ANK3: variants seen among roughly 807,000 people sequenced by gnomAD.
ANK3 encodes the protein ankyrin-3.
In ANK3, 57 loss-of-function variants were observed where a neutral mutation model predicts 370.9. The observed-to-expected ratio is 0.15, with a 90% CI of 0.12 to 0.19. The LOEUF is 0.19. Ranked by LOEUF, ANK3 falls within the 10% of genes least tolerant of loss-of-function variation. The pLI, the probability that ANK3 is intolerant of heterozygous loss-of-function variation, is 1.00. For missense variants in ANK3, 4,439 were observed against 5,302.1 expected (o/e 0.84, Z 5.06); for synonymous variants, 1,929 against 1,946.3 (o/e 0.99, Z 0.23).
intron 1 of ANK3, among the ~76,000 whole-genome samples, chr10:60,345,291 A>T (rs935986479): frequency 6.6e-6 from 1 of 151,998 alleles, no homozygotes; most frequent in Admixed American, 6.6e-5. Context: ...GGTTTTTCCC[A>T]TTTCGTGCAT....
intron 2 of ANK3, among the ~76,000 whole-genome samples, chr10:60,440,464 C>A (rs1595039847): frequency 6.6e-6 from 1 of 152,100 alleles, no homozygotes; most frequent in East Asian, 1.9e-4. Flanking sequence ...GAGTTCTAAC[C>A]ACCAAACACT....
chr10:60,361,401 A>G (rs938093722), intron 1 of ANK3, among the ~76,000 whole-genome samples: 1 of 152,224 alleles, frequency 6.6e-6, no homozygotes, highest in African/African-American at 2.4e-5. Context: ...AGAGTTTTAA[A>G]ACCACTTCTT....
chr10:60,547,410 T>C (rs561997980), intron 2 of ANK3, among the ~76,000 whole-genome samples: 1 of 151,840 alleles, frequency 6.6e-6, no homozygotes, highest in Non-Finnish European at 1.5e-5. Flanking sequence ...TTTCTTTTCT[T>C]TGTTTTTTTA....
rs188641211 is a variant in ANK3 at position 60,458,280 on chromosome 10, C to T, written c.96+156906G>A. On this transcript the variant is annotated intron_variant, in intron 2 of 43. Transcript: ENST00000373827. ...TTCTCCCACAGTAATCTCATATTGC[C>T]ATCAAAGTAACTCAAGAAAATGAGA... 2.0e-3 allele frequency among the ~76,000 whole-genome samples: 311 copies of T among 152,194 alleles called. 1 individual carries two copies. The highest frequency in any genetic ancestry group is 3.4e-3 in the Middle Eastern group (1 of 294).
chr10:60,081,456 G>T (rs2085222778), intron 35 of ANK3: 1 of 419,636 alleles, frequency 2.4e-6, no homozygotes, highest in Non-Finnish European at 4.7e-6. Context: ...TGATGTGTGG[G>T]ATTCAAAAAC....
At chr10:60,610,686 G>A (rs757885715) in intron 2 of ANK3, among the ~76,000 whole-genome samples, 9 of 151,962 alleles carry the variant, frequency 5.9e-5, no homozygotes, top group Non-Finnish European at 1.3e-4. Context: ...CCACAGACTT[G>A]AGCAAAGCAA....
Position 60,081,744 on chromosome 10 carries a change from G to A in ANK3, c.4350+406C>T, listed in dbSNP as rs79082757. ...AACTTTCACAAAATGTCTATTTGGC[G>A]GGTTCGAAGGTAGTGCGTTATCTCA... On this transcript the variant is annotated intron_variant, in intron 35 of 43. Transcript: ENST00000280772. The A allele has an allele frequency of 2.1e-5, 6 of 289,150 alleles. No homozygotes were observed. The East Asian group carries it at 2.7e-4, about 13-fold the overall frequency. 17.9% of individuals were successfully genotyped at this position (289,150 alleles called of 1,614,324 possible).
intron 1 of ANK3, among the ~76,000 whole-genome samples, chr10:60,677,806 A>G (rs2133387690): frequency 6.6e-6 from 1 of 151,578 alleles, no homozygotes; most frequent in Non-Finnish European, 1.5e-5. Flanking sequence ...AAAAGAAAAG[A>G]AAAGAAAAGA....
chr10:60,516,485 A>C (rs1436803254), intron 2 of ANK3, among the ~76,000 whole-genome samples: 1 of 152,132 alleles, frequency 6.6e-6, no homozygotes, highest in Non-Finnish European at 1.5e-5. Context: ...TTTTCACTGT[A>C]ACGTCCTACT....
rs992265189 is a variant in ANK3, at chr10:60,069,711, T to C, written c.11170A>G (p.Met3724Val). 6.2e-7 allele frequency: 1 copy of C among 1,613,652 alleles called. No homozygotes were observed. The highest frequency in any genetic ancestry group is 8.5e-7 in the Non-Finnish European group (1 of 1,179,930). ...VDPKLRTPIK[M>V]GISASTMTMK... ...GTCATGGTGGATGCAGAAATTCCCA[T>C]TTTTATAGGCGTGCGCAACTTGGGG... Residue 3724 changes from methionine to valine, a missense_variant, in exon 37 of 44, where the codon ATG (methionine) becomes GTG (valine). Around this residue, in one of 13 missense-constraint regions of ANK3, gnomAD observed 496 missense variants for 529.3 expected, o/e 0.94. Transcript: ENST00000280772.
intron 9 of ANK3, among the ~76,000 whole-genome samples, chr10:60,209,927 GAGA>G (rs1391450386): frequency 1.3e-5 from 2 of 152,112 alleles, no homozygotes; most frequent in Non-Finnish European, 2.9e-5. Context: ...AAGATAATTG[GAGA>G]AGGACAAGAA....
chr10:60,103,413 C>T (rs1310234439), intron 28 of ANK3, among the ~76,000 whole-genome samples: 1 of 152,072 alleles, frequency 6.6e-6, no homozygotes. Context: ...TGTGCTTATG[C>T]TTCTCTCTGA....
intron 1 of ANK3, among the ~76,000 whole-genome samples, chr10:60,303,215 C>T (rs1403305884): frequency 6.6e-6 from 1 of 152,086 alleles, no homozygotes; most frequent in Non-Finnish European, 1.5e-5. Flanking sequence ...AATGAGACTA[C>T]ATCAAACTAA....
At chr10:60,568,488 A>C (rs2077515028) in intron 2 of ANK3, among the ~76,000 whole-genome samples, 2 of 152,220 alleles carry the variant, frequency 1.3e-5, no homozygotes, top group Non-Finnish European at 2.9e-5. Flanking sequence ...AATGTGCATG[A>C]CTTGCTTAGT....
chr10:60,487,763 G>A (rs2075387604), intron 2 of ANK3, among the ~76,000 whole-genome samples: 1 of 146,976 alleles, frequency 6.8e-6, no homozygotes, highest in Non-Finnish European at 1.5e-5. Context: ...TGCCCAGGTT[G>A]GAGTGCCATA....
intron 4 of ANK3, among the ~76,000 whole-genome samples, chr10:60,270,677 A>T (rs1175790656): frequency 2.6e-5 from 4 of 152,204 alleles, no homozygotes; most frequent in Non-Finnish European, 5.9e-5. Context: ...ATATTTTCAC[A>T]CAAAAGTATC....
At position 60,086,703 on chromosome 10, in the gene ANK3, T is replaced by C. The variant is rs568515869; in HGVS notation, c.3722A>G (p.Asn1241Ser). ...SNGYKGDTTP[N>S]LRLLCSITGG... is the part of the protein sequence containing the mutation. ...TGTAATGCTACAGAGAAGACGCAGA[T>C]TGGGTGTAGTGTCCCCTTTGTATCC... The change falls in exon 30 of 44, where the codon AAT becomes AGT. Residue 1241 changes from asparagine (N) to serine (S), a missense_variant. Asn to Ser is a conservative substitution (Grantham distance 46, BLOSUM62 1). Transcript: ENST00000280772. 1.4e-5 allele frequency: 22 copies of C among 1,613,616 alleles called. No individual in the cohort carries two copies. Among genetic ancestry groups the C allele is most frequent in the Non-Finnish European group, 1.0e-5 (12 of 1,179,838 alleles).
chr10:60,477,112 T>C (rs1297844678), intron 2 of ANK3, among the ~76,000 whole-genome samples: 1 of 152,130 alleles, frequency 6.6e-6, no homozygotes, highest in Non-Finnish European at 1.5e-5. Flanking sequence ...CTGCTTAAAA[T>C]ATATACTTAT....
intron 1 of ANK3, among the ~76,000 whole-genome samples, chr10:60,338,414 A>C (rs146342683): frequency 6.6e-6 from 1 of 152,332 alleles, no homozygotes; most frequent in African/African-American, 2.4e-5. Flanking sequence ...ATGTGCATTT[A>C]TAACAAGTTC....
Sources: allele counts gnomAD v4.1 joint callset (sites outside exome capture counted in the v4.1 genomes callset), GRCh38; gene constraint gnomAD v4.1.1; regional missense constraint gnomAD v4.1.1; transcripts MANE v1.5; gene names NCBI Gene and HGNC (gene_info 2026-07-23, HGNC 2026-07-21).